PRR33: variants seen among roughly 807,000 people sequenced by gnomAD.
The protein encoded by PRR33 is proline-rich protein 33.
PRR33 carries 1 observed loss-of-function variant against 0.5 expected under a neutral mutation model. The observed-to-expected ratio is 2.18, with a 90% CI of 0.77 to 10.34. PRR33 has a LOEUF of 10.34. Ranked by LOEUF, PRR33 falls within the 30% of genes most tolerant of loss-of-function variation. The pLI, the probability that PRR33 is intolerant of heterozygous loss-of-function variation, is 0.13. For synonymous variants in PRR33, 226 were observed against 110.0 expected (o/e 2.06, Z -6.60); for missense variants, 552 against 251.8 (o/e 2.19, Z -8.07).
At chr11:1,917,454 C>G in the PRR33 span, among the ~76,000 whole-genome samples, 52 of 152,328 alleles carry the variant, frequency 3.4e-4, no homozygotes, top group African/African-American at 1.2e-3. Flanking sequence ...CAACAACTGC[C>G]CTAGAGCCAA....
upstream of PRR33, among the ~76,000 whole-genome samples, chr11:1,895,052 G>T (rs943790826): frequency 6.6e-6 from 1 of 152,226 alleles, no homozygotes; most frequent in South Asian, 2.1e-4. Context: ...ATCTTGCTGG[G>T]GGAAGCATCT....
At chr11:1,912,164 C>T in the PRR33 span, among the ~76,000 whole-genome samples, 1 of 151,768 alleles carries the variant, frequency 6.6e-6, no homozygotes, top group East Asian at 1.9e-4. Flanking sequence ...CAGAGCAAGA[C>T]CTCATCTCTT....
At chr11:1,900,660 T>A in the PRR33 span, among the ~76,000 whole-genome samples, 3 of 152,208 alleles carry the variant, frequency 2.0e-5, no homozygotes, top group Non-Finnish European at 4.4e-5. Flanking sequence ...GGAATTTTGA[T>A]TACTTCTGTG....
At chr11:1,905,470 G>A in the PRR33 span, among the ~76,000 whole-genome samples, 5 of 122,588 alleles carry the variant, frequency 4.1e-5, no homozygotes, top group African/African-American at 1.6e-4. Context: ...ACAGAGTGTC[G>A]CTCTGTCGCC....
the PRR33 span, among the ~76,000 whole-genome samples, chr11:1,903,865 C>G: frequency 7.1e-3 from 1,083 of 152,310 alleles, 5 homozygotes; most frequent in Middle Eastern, 0.02. Context: ...TGTCCAAAAG[C>G]TGGAGTGTGC....
chr11:1,905,989 ATTTT>A, the PRR33 span, among the ~76,000 whole-genome samples: 1 of 129,646 alleles, frequency 7.7e-6, no homozygotes. Context: ...CAGCTAAAGT[ATTTT>A]TTTTTTTTTT....
chr11:1,903,304 T>G, the PRR33 span: 2 of 101,178 alleles, frequency 2.0e-5, no homozygotes, highest in African/African-American at 3.9e-5. Flanking sequence ...GTAGAGATAG[T>G]GGGGAGCTGT....
chr11:1,904,800 C>T, the PRR33 span, among the ~76,000 whole-genome samples: 2 of 151,728 alleles, frequency 1.3e-5, no homozygotes, highest in Non-Finnish European at 1.5e-5. Flanking sequence ...AGAGCCACTG[C>T]GCCCAGCCTC....
chr11:1,910,289 GC>G, the PRR33 span, among the ~76,000 whole-genome samples: 1 of 152,050 alleles, frequency 6.6e-6, no homozygotes, highest in African/African-American at 2.4e-5. Context: ...TCGCTCTGTT[GC>G]CCAGACTGGA....
the PRR33 span, chr11:1,889,666 C>A: frequency 1.6e-6 from 1 of 632,082 alleles, no homozygotes; most frequent in Admixed American, 2.8e-5. Flanking sequence ...GACACTCGCT[C>A]GGCCTCAGCG....
the PRR33 span, among the ~76,000 whole-genome samples, chr11:1,904,043 C>G: frequency 3.3e-5 from 5 of 152,288 alleles, no homozygotes; most frequent in Middle Eastern, 3.4e-3. Flanking sequence ...AAAATTTGCT[C>G]AAGCAAACTC....
the PRR33 span, among the ~76,000 whole-genome samples, chr11:1,912,674 G>A: frequency 1.3e-5 from 2 of 152,148 alleles, no homozygotes; most frequent in African/African-American, 2.4e-5. Context: ...GCGAGATCAC[G>A]GCTCACCGCA....
the PRR33 span, among the ~76,000 whole-genome samples, chr11:1,915,139 C>CTG: frequency 0.4 from 51,494 of 128,278 alleles, 10,650 homozygotes; most frequent in Non-Finnish European, 0.48. Flanking sequence ...GATGATGTTT[C>CTG]TGTGTGTGTG....
At chr11:1,890,638 G>A in exon 1 of PRR33, 1 of 671,858 alleles carries the variant, frequency 1.5e-6, no homozygotes, top group East Asian at 2.7e-5. Context: ...CCTCCCTCCT[G>A]AGGTGGGAGG....
chr11:1,888,928 G>A (rs920946024), exon 1 of PRR33: 2 of 479,942 alleles, frequency 4.2e-6, no homozygotes, highest in African/African-American at 2.0e-5. Context: ...CAGCCCAGGG[G>A]CTCCAGCTCG....
upstream of PRR33, among the ~76,000 whole-genome samples, chr11:1,892,427 G>C (rs1366949733): frequency 6.6e-6 from 1 of 152,236 alleles, no homozygotes; most frequent in Non-Finnish European, 1.5e-5. Flanking sequence ...CAGGACATAA[G>C]CTCTCTGGTG....
At chr11:1,896,561 G>A (rs570434421), upstream of PRR33, among the ~76,000 whole-genome samples, 6 of 152,236 alleles carry the variant, frequency 3.9e-5, no homozygotes, top group African/African-American at 9.6e-5. Context: ...TGATTCCATC[G>A]GGTTAGATGG....
At chr11:1,916,433 T>C in the PRR33 span, among the ~76,000 whole-genome samples, 1 of 151,942 alleles carries the variant, frequency 6.6e-6, no homozygotes, top group African/African-American at 2.4e-5. Context: ...CCATCCTTTC[T>C]CAGATGCCCC....
chr11:1,902,376 C>G, the PRR33 span, among the ~76,000 whole-genome samples: 3 of 152,130 alleles, frequency 2.0e-5, no homozygotes, highest in Non-Finnish European at 4.4e-5. Flanking sequence ...CTTCCCTCGG[C>G]CTGGGCTCAG....
Sources: gnomAD v4.1 joint callset for allele counts (sites outside exome capture counted in the v4.1 genomes callset) on GRCh38, gnomAD v4.1.1 for gene constraint, MANE v1.5 for transcripts, NCBI Gene and HGNC (gene_info 2026-07-23, HGNC 2026-07-21) for gene names.